GABPA: variants seen among roughly 807,000 people sequenced by gnomAD.
The protein encoded by GABPA is GA-binding protein alpha chain.
A neutral mutation model predicts 59.4 loss-of-function variants in GABPA; 4 were observed. The ratio of observed to expected loss-of-function variants is 0.07; its 90% confidence interval spans 0.03 to 0.15. The LOEUF is 0.15. GABPA is among the 10% of genes least tolerant of loss of function. The probability of loss-of-function intolerance (pLI) is 1.00; values close to 1 mark genes in which losing one functional copy is unlikely to be tolerated. For synonymous variants in GABPA, 164 were observed against 183.1 expected (o/e 0.90, Z 0.84); for missense variants, 251 against 543.8 (o/e 0.46, Z 5.36).
intron 3 of GABPA, among the ~76,000 whole-genome samples, chr21:25,747,997 A>G (rs555979030): frequency 6.6e-6 from 1 of 151,972 alleles, no homozygotes; most frequent in African/African-American, 2.4e-5. Context: ...ACGTCCGCCT[A>G]CCGGGTCTAA....
At chr21:25,752,399 T>C (rs2035535724) in intron 5 of GABPA, 165 bp downstream of exon 5, 2 of 785,960 alleles carry the variant, frequency 2.5e-6, no homozygotes, top group Admixed American at 3.0e-5. Flanking sequence ...GCTCATGTGG[T>C]GGACAAATTC....
In GABPA at chr21:25,736,000, C is replaced by G. The variant is rs148958126; in HGVS notation, c.-27+422C>G. 6.3e-3 allele frequency among the ~76,000 whole-genome samples: 958 copies of G among 152,246 alleles called. 6 individuals are homozygous for G. Among genetic ancestry groups the G allele is most frequent in the Middle Eastern group, 0.014 (4 of 294 alleles). ...GACCCTGTCTCATCGCGGGACTCAG[C>G]GATTCACTCATTTCAAATCCGCTCT... On this transcript the variant is annotated intron_variant, in intron 1 of 9. Transcript: ENST00000400075.
Position 25,735,077 on chromosome 21 carries a change from G to T in GABPA, c.-528G>T. 1 of 1,002,962 alleles carries T rather than the reference G, an allele frequency of 1.0e-6. No individual in the cohort carries two copies. The highest frequency in any genetic ancestry group is 1.5e-6 in the Non-Finnish European group (1 of 659,806). The allele number at this position is 1,002,962 out of a possible 1,614,324, so 62.1% of individuals were successfully genotyped here. On this transcript the variant is annotated 5_prime_UTR_variant, in exon 1 of 10. Coordinates refer to ENST00000400075, the MANE Select transcript of GABPA (RefSeq NM_002040.4). ...CAGGAGGAGGAAGTGGAGGGTAAGTGCTTCCGGGTCCCCTGGCACAGCCTC... is the reference window on the plus strand; with the variant it reads ...CAGGAGGAGGAAGTGGAGGGTAAGTTCTTCCGGGTCCCCTGGCACAGCCTC...
chr21:25,736,325 G>A (rs927680325), intron 1 of GABPA, among the ~76,000 whole-genome samples: 1 of 152,174 alleles, frequency 6.6e-6, no homozygotes, highest in Non-Finnish European at 1.5e-5. Flanking sequence ...GGTCTGACTC[G>A]TGAGAAGAGC....
chr21:25,744,567 G>T lies in GABPA; in HGVS notation c.78-643G>T, dbSNP rs148505086. Among the ~76,000 whole-genome samples, 177 of 152,124 alleles carry T rather than the reference G, an allele frequency of 1.2e-3. 1 individual carries two copies. Among genetic ancestry groups the T allele is most frequent in the African/African-American group, 4.0e-3 (166 of 41,504 alleles). On this transcript the variant is annotated intron_variant, in intron 2 of 9. Transcript: ENST00000400075. ...ATATTACTTAGTATTTGTCTATTTGGCCCTATATAAGGATTTGTAAGAGTT... is the reference window on the plus strand; with the variant it reads ...ATATTACTTAGTATTTGTCTATTTGTCCCTATATAAGGATTTGTAAGAGTT...
chr21:25,754,986 C>T (rs557902337), intron 5 of GABPA, among the ~76,000 whole-genome samples: 22 of 151,854 alleles, frequency 1.4e-4, no homozygotes, highest in African/African-American at 2.9e-4. Context: ...GGGAGGCGGA[C>T]GTTGCAGTGA....
chr21:25,753,673 A>C (rs1193741736), intron 5 of GABPA, among the ~76,000 whole-genome samples: 1 of 152,180 alleles, frequency 6.6e-6, no homozygotes, highest in Non-Finnish European at 1.5e-5. Context: ...TGGCGAGACA[A>C]AACAGAATTA....
intron 5 of GABPA, among the ~76,000 whole-genome samples, chr21:25,752,987 A>G (rs899059498): frequency 1.3e-4 from 20 of 152,150 alleles, no homozygotes; most frequent in South Asian, 2.1e-4. Context: ...TTATGAGGGT[A>G]GAGAGGGAAG....
At position 25,769,455 on chromosome 21, in the gene GABPA, G is replaced by A; in HGVS notation, c.*223G>A. 1 of 463,794 alleles carries A rather than the reference G, an allele frequency of 2.2e-6. No individual in the cohort carries two copies. Among genetic ancestry groups the A allele is most frequent in the Non-Finnish European group, 3.9e-6 (1 of 256,996 alleles). 28.7% of individuals were successfully genotyped at this position (463,794 alleles called of 1,614,324 possible). A position where few individuals can be genotyped will look rare whatever the true frequency, so the allele number is the denominator to read the frequency against. ...TTAAAGGATCTCCACAATGTCTGCA[G>A]TGTGAAGGCAGGTTCATTGTGGAAT... On this transcript the variant is annotated 3_prime_UTR_variant, in exon 10 of 10. Coordinates refer to ENST00000400075, the MANE Select transcript of GABPA (RefSeq NM_002040.4).
rs2035533109 is a variant in GABPA, at chr21:25,752,313, A to C, written c.553+79A>C. 6.6e-6 allele frequency: 9 copies of C among 1,372,680 alleles called. No individual in the cohort carries two copies. The South Asian group carries it at 9.3e-5, about 14-fold the overall frequency. 85.0% of individuals were successfully genotyped at this position (1,372,680 alleles called of 1,614,324 possible). On this transcript the variant is annotated intron_variant, in intron 5 of 9. Coordinates refer to ENST00000400075, the MANE Select transcript of GABPA (RefSeq NM_002040.4). Reference sequence around the variant, plus strand: ...ATAGAAGACACTAGGGTAAGTTATAATCTATTTTACATGTAGAGTTATTAG... The same window carrying C: ...ATAGAAGACACTAGGGTAAGTTATACTCTATTTTACATGTAGAGTTATTAG...
chr21:25,752,111 A>G lies in GABPA; in HGVS notation c.430A>G (p.Ile144Val). ...EAHLVEEAQV[I>V]TLDGTKHITT... ...ACATCTTGTTGAAGAAGCTCAAGTG[A>G]TAACTCTTGATGGCACAAAACACAT... The change falls in exon 5 of 10, where the codon ATA becomes GTA. Residue 144 changes from isoleucine (I) to valine (V), a missense_variant. Transcript: ENST00000400075. The G allele has an allele frequency of 6.2e-7, 1 of 1,609,390 alleles. No homozygotes were observed. The highest frequency in any genetic ancestry group is 8.5e-7 in the Non-Finnish European group (1 of 1,175,894).
In GABPA at chr21:25,770,611, C is replaced by G. The variant is rs1035051888; in HGVS notation, c.*1379C>G. Reference sequence around the variant, plus strand: ...ATTCTCAAATATTTATGCACCTTCTCCTTCATTGTTTTCTTTAAATCTGTC... The same window carrying G: ...ATTCTCAAATATTTATGCACCTTCTGCTTCATTGTTTTCTTTAAATCTGTC... On this transcript the variant is annotated 3_prime_UTR_variant, in exon 10 of 10. Transcript: ENST00000400075. 6.6e-6 allele frequency: 1 copy of G among 152,080 alleles called. No individual in the cohort carries two copies. The highest frequency in any genetic ancestry group is 1.5e-5 in the Non-Finnish European group (1 of 67,938). 9.4% of individuals were successfully genotyped at this position (152,080 alleles called of 1,614,324 possible). A position where few individuals can be genotyped will look rare whatever the true frequency, so the allele number is the denominator to read the frequency against.
chr21:25,763,206 A>G lies in GABPA; in HGVS notation c.802+841A>G, dbSNP rs1053475469. 9.8e-6 allele frequency: 5 copies of G among 512,344 alleles called. No homozygotes were observed. In the African/African-American group the frequency reaches 1.0e-4, roughly 10 times the overall value. 31.7% of individuals were successfully genotyped at this position (512,344 alleles called of 1,614,324 possible). On this transcript the variant is annotated intron_variant, in intron 7 of 9. Coordinates refer to ENST00000400075, the MANE Select transcript of GABPA (RefSeq NM_002040.4). ...CCACCACAGTTGCTGTCTCTTAAAC[A>G]TCTTTCATTAAAACATTACTGTCTA...
chr21:25,748,113 C>T (rs2035414732), intron 3 of GABPA, among the ~76,000 whole-genome samples: 2 of 152,086 alleles, frequency 1.3e-5, no homozygotes, highest in African/African-American at 2.4e-5. Context: ...TCCATGTTGC[C>T]CAGGCTGGTC....
At chr21:25,739,267 T>C (rs1050549550) in intron 1 of GABPA, among the ~76,000 whole-genome samples, 2 of 152,112 alleles carry the variant, frequency 1.3e-5, no homozygotes, top group Non-Finnish European at 2.9e-5. Flanking sequence ...CTTAGGAGAG[T>C]TATAGCCCTT....
chr21:25,762,426 AG>A (rs2035786669), intron 7 of GABPA, 61 bp downstream of exon 7: 1 of 1,211,538 alleles, frequency 8.3e-7, no homozygotes. Context: ...TGATACCGCA[AG>A]GTAATAAAAA....
rs569302117 is a variant in GABPA, at chr21:25,772,317, T to C, written c.*3085T>C. ...AACGACAACGACACTTATACTGTCA[T>C]AATAACAATTATGTATTTCTTTGTG... On this transcript the variant is annotated 3_prime_UTR_variant, in exon 10 of 10. Transcript: ENST00000400075. 7 of 152,292 alleles carry C rather than the reference T, an allele frequency of 4.6e-5. No homozygotes were observed. The highest frequency in any genetic ancestry group is 9.6e-5 in the African/African-American group (4 of 41,592). 9.4% of individuals were successfully genotyped at this position (152,292 alleles called of 1,614,324 possible). A position where few individuals can be genotyped will look rare whatever the true frequency, so the allele number is the denominator to read the frequency against.
chr21:25,750,916 G>A (rs2123524409), intron 4 of GABPA, among the ~76,000 whole-genome samples: 1 of 152,220 alleles, frequency 6.6e-6, no homozygotes, highest in Middle Eastern at 3.4e-3. Flanking sequence ...ATGTATATTT[G>A]AAAAATGATT....
At position 25,744,491 on chromosome 21, in the gene GABPA, A is replaced by G. The variant is rs531422054; in HGVS notation, c.78-719A>G. Among the ~76,000 whole-genome samples the G allele has an allele frequency of 1.3e-3, 204 of 152,344 alleles. 1 individual carries two copies. Among genetic ancestry groups the G allele is most frequent in the Non-Finnish European group, 2.1e-3 (143 of 68,032 alleles). The stretch of plus-strand genomic sequence containing the variant: ...CAAATAAGATTTAAATCATATTTAA[A>G]TTAAACATGTTGGAATACTTAATTG... On this transcript the variant is annotated intron_variant, in intron 2 of 9. Transcript: ENST00000400075.
Sources: gnomAD v4.1 joint callset for allele counts (sites outside exome capture counted in the v4.1 genomes callset) on GRCh38, gnomAD v4.1.1 for gene constraint, MANE v1.5 for transcripts, NCBI Gene and HGNC (gene_info 2026-07-23, HGNC 2026-07-21) for gene names.